SLC8A1: variants seen among roughly 807,000 people sequenced by gnomAD.
SLC8A1 encodes sodium/calcium exchanger 1.
Under a neutral mutation model 68.3 loss-of-function variants are expected in SLC8A1, and 18 were observed. The ratio of observed to expected loss-of-function variants is 0.26; its 90% CI spans 0.18 to 0.39. The LOEUF is 0.39. SLC8A1 is among the 10% of genes least tolerant of loss of function. The pLI is 1.00. For synonymous variants in SLC8A1, 475 were observed against 415.5 expected, an observed-to-expected ratio of 1.14 and a Z score of -1.74; for missense variants, 985 against 1,156.7, an observed-to-expected ratio of 0.85 and a Z score of 2.15.
chr2:40,497,074 TAA>T (rs75706927), intron 1 of SLC8A1, among the ~76,000 whole-genome samples: 7 of 148,886 alleles, frequency 4.7e-5, no homozygotes, highest in Admixed American at 2.0e-4. Context: ...TAAAGTACAA[TAA>T]AAAAAAAATC....
chr2:40,329,065 C>T (rs993900913), intron 2 of SLC8A1, among the ~76,000 whole-genome samples: 5 of 70,414 alleles, frequency 7.1e-5, no homozygotes, highest in African/African-American at 3.0e-4. Flanking sequence ...CAACCTCACA[C>T]ACACACACAC....
chr2:40,489,826 A>C (rs1269639167), intron 1 of SLC8A1, among the ~76,000 whole-genome samples: 2 of 151,994 alleles, frequency 1.3e-5, no homozygotes, highest in Non-Finnish European at 2.9e-5. Flanking sequence ...TTGCTGCCAC[A>C]GGAACAATCC....
intron 2 of SLC8A1, among the ~76,000 whole-genome samples, chr2:40,192,018 A>C (rs393711): frequency 0.25 from 38,728 of 152,042 alleles, 5,203 homozygotes; most frequent in African/African-American, 0.31. Context: ...TTAGTCACTT[A>C]ACATTTCAAT....
chr2:40,304,709 A>T (rs1387576121), intron 2 of SLC8A1, among the ~76,000 whole-genome samples: 2 of 151,828 alleles, frequency 1.3e-5, no homozygotes, highest in Non-Finnish European at 2.9e-5. Flanking sequence ...CTGCTCACTG[A>T]TCACCTCCAC....
chr2:40,210,166 A>C (rs1164772852), intron 2 of SLC8A1: 2 of 152,234 alleles, frequency 1.3e-5, no homozygotes, highest in East Asian at 3.9e-4. Flanking sequence ...GGCTCCAGTA[A>C]GGAAAACATA....
chr2:40,396,144 T>C (rs1686825803), intron 2 of SLC8A1, among the ~76,000 whole-genome samples: 1 of 152,162 alleles, frequency 6.6e-6, no homozygotes, highest in Admixed American at 6.6e-5. Flanking sequence ...CAAAAACATT[T>C]AATAAAATAT....
intron 2 of SLC8A1, among the ~76,000 whole-genome samples, chr2:40,363,056 T>C (rs1479294204): frequency 6.6e-6 from 1 of 152,110 alleles, no homozygotes; most frequent in Non-Finnish European, 1.5e-5. Context: ...CCCTAGAAGG[T>C]ACTGCTTTCA....
intron 2 of SLC8A1, among the ~76,000 whole-genome samples, chr2:40,297,056 G>T (rs1285050695): frequency 6.6e-6 from 1 of 151,552 alleles, no homozygotes; most frequent in African/African-American, 2.4e-5. Context: ...TACATGTCTT[G>T]GTGAACTGAA....
chr2:40,121,103 G>A (rs1043131345), intron 7 of SLC8A1, among the ~76,000 whole-genome samples: 1 of 152,190 alleles, frequency 6.6e-6, no homozygotes, highest in Non-Finnish European at 1.5e-5. Context: ...GAGGGATGTC[G>A]AAGGGGCTTT....
chr2:40,337,293 T>C (rs1666269388), intron 2 of SLC8A1: 1 of 332,830 alleles, frequency 3.0e-6, no homozygotes, highest in African/African-American at 2.1e-5. Flanking sequence ...AATTTTAGTA[T>C]GTTTATGCAT....
chr2:40,246,805 T>G (rs1363477396), intron 2 of SLC8A1, among the ~76,000 whole-genome samples: 2 of 152,214 alleles, frequency 1.3e-5, no homozygotes, highest in African/African-American at 4.8e-5. Flanking sequence ...CATAGGATTC[T>G]ATTATGACAC....
intron 1 of SLC8A1, among the ~76,000 whole-genome samples, chr2:40,493,862 T>G (rs562298607): frequency 1.3e-5 from 2 of 151,828 alleles, no homozygotes; most frequent in Admixed American, 6.6e-5. Context: ...TTGTAATGGG[T>G]TTTCCTCTTT....
chr2:40,409,192 G>C (rs1259232293), intron 2 of SLC8A1, among the ~76,000 whole-genome samples: 1 of 152,020 alleles, frequency 6.6e-6, no homozygotes, highest in Non-Finnish European at 1.5e-5. Context: ...ACAGCTTCTG[G>C]TATTCATGTA....
chr2:40,282,362 T>C (rs1288223443), intron 2 of SLC8A1, among the ~76,000 whole-genome samples: 4 of 152,146 alleles, frequency 2.6e-5, no homozygotes, highest in African/African-American at 9.7e-5. Flanking sequence ...ACGAAGGATC[T>C]TTTCACACTC....
chr2:40,278,820 T>C (rs1370073772), intron 2 of SLC8A1, among the ~76,000 whole-genome samples: 2 of 152,216 alleles, frequency 1.3e-5, no homozygotes, highest in Non-Finnish European at 2.9e-5. Flanking sequence ...ATCTAAACTC[T>C]TTAAAAACAT....
chr2:40,115,202 T>A (rs1366027578), exon 8 of SLC8A1: 1 of 1,199,822 alleles, frequency 8.3e-7, no homozygotes, highest in African/African-American at 1.6e-5. Flanking sequence ...TATACATAAT[T>A]TTTATGTATA....
chr2:40,350,299 A>T (rs576294586), intron 2 of SLC8A1, among the ~76,000 whole-genome samples: 3 of 152,102 alleles, frequency 2.0e-5, no homozygotes, highest in Admixed American at 2.0e-4. Flanking sequence ...CTGGGCAGCA[A>T]ATGGAGACTC....
intron 6 of SLC8A1, among the ~76,000 whole-genome samples, chr2:40,146,796 A>T (rs1459896701): frequency 2.0e-5 from 3 of 152,120 alleles, no homozygotes; most frequent in African/African-American, 7.2e-5. Context: ...AGAAGACACT[A>T]TACAGGCCCC....
intron 2 of SLC8A1, among the ~76,000 whole-genome samples, chr2:40,256,182 G>A (rs1444337327): frequency 1.3e-5 from 2 of 152,116 alleles, no homozygotes; most frequent in East Asian, 1.9e-4. Flanking sequence ...ATGAACATCC[G>A]GTGATATTGG....
Sources: allele counts gnomAD v4.1 joint callset (sites outside exome capture counted in the v4.1 genomes callset), GRCh38; gene constraint gnomAD v4.1.1; transcripts MANE v1.5; gene names NCBI Gene and HGNC (gene_info 2026-07-23, HGNC 2026-07-21).